NAT10: variants seen among roughly 807,000 people sequenced by gnomAD.
NAT10 encodes the protein N-acetyltransferase 10.
NAT10 carries 109 observed loss-of-function variants against 132.2 expected under a neutral mutation model. The observed-to-expected ratio is 0.82, with a 90% CI of 0.71 to 0.97. NAT10 has a LOEUF of 0.97. Among genes scored for constraint, NAT10 ranks in the 50% least tolerant of loss-of-function variants. The pLI, the probability that NAT10 is intolerant of heterozygous loss-of-function variation, is 0.00. For missense variants in NAT10, 1,184 were observed against 1,263.4 expected, an observed-to-expected ratio of 0.94 and a Z score of 0.95; for synonymous variants, 479 against 478.0, an observed-to-expected ratio of 1.00 and a Z score of -0.03.
At chr11:34,137,615 G>T (rs1033052486) in intron 21 of NAT10, among the ~76,000 whole-genome samples, 1 of 152,218 alleles carries the variant, frequency 6.6e-6, no homozygotes, top group African/African-American at 2.4e-5. Flanking sequence ...TGTGTTCATT[G>T]CTGTATTCCT....
chr11:34,131,080 A>G, intron 13 of NAT10, 143 bp downstream of exon 13: 1 of 1,321,592 alleles, frequency 7.6e-7, no homozygotes, highest in Non-Finnish European at 1.0e-6. Context: ...GAGGAGAAGT[A>G]GCTTTTTTCG....
Position 34,113,702 on chromosome 11 carries a change from C to T in NAT10, c.373-14C>T. On this transcript the variant is annotated splice_polypyrimidine_tract_variant and intron_variant, in intron 4 of 28. Transcript: ENST00000257829. Reference sequence around the variant, plus strand: ...TTTGCATGACCAGCCCTTTCTAACGCCCCCTTCTTCCAGGATTTTGAAGCC... The same window carrying T: ...TTTGCATGACCAGCCCTTTCTAACGTCCCCTTCTTCCAGGATTTTGAAGCC... The T allele has an allele frequency of 1.2e-6, 2 of 1,610,574 alleles. No individual in the cohort carries two copies. Among genetic ancestry groups the T allele is most frequent in the Non-Finnish European group, 1.7e-6 (2 of 1,178,898 alleles).
In NAT10 at chr11:34,139,288, G is replaced by T. The variant is rs1479084974; in HGVS notation, c.2308+1G>T. On this transcript the variant is annotated splice_donor_variant, in intron 22 of 28. Coordinates refer to ENST00000257829, the MANE Select transcript of NAT10 (RefSeq NM_024662.3). LOFTEE classifies it high-confidence loss of function. ...GGCTGGCTTGCAGCCTTCTGGAAAG[G>T]TGACTGAGGAGTAGGGGTTTGGGGG... 7.4e-6 allele frequency: 12 copies of T among 1,613,940 alleles called. No homozygotes were observed. The highest frequency in any genetic ancestry group is 1.0e-5 in the Non-Finnish European group (12 of 1,179,962).
chr11:34,117,010 C>T (rs1263854806), intron 6 of NAT10, among the ~76,000 whole-genome samples: 5 of 152,082 alleles, frequency 3.3e-5, no homozygotes, highest in Admixed American at 2.0e-4. Context: ...GGATTACAGG[C>T]GTGAGCCACC....
chr11:34,120,229 T>G (rs548206216), intron 8 of NAT10, among the ~76,000 whole-genome samples: 132 of 147,920 alleles, frequency 8.9e-4, no homozygotes, highest in South Asian at 3.5e-3. Context: ...TTTGTATTGG[T>G]TCTTCATTTT....
chr11:34,136,562 A>G, intron 19 of NAT10, 80 bp from the exon 20 acceptor site: 6 of 1,564,136 alleles, frequency 3.8e-6, no homozygotes, highest in Non-Finnish European at 5.3e-6. Flanking sequence ...CTAAGTCCAG[A>G]GTGCGCTGCG....
At chr11:34,144,629 C>G (rs570980524) in intron 28 of NAT10, among the ~76,000 whole-genome samples, 39 of 152,300 alleles carry the variant, frequency 2.6e-4, no homozygotes, top group African/African-American at 8.7e-4. Flanking sequence ...GTCTTAGGGA[C>G]CCCAGCAGTC....
intron 28 of NAT10, among the ~76,000 whole-genome samples, chr11:34,143,918 C>T (rs1852387196): frequency 6.6e-6 from 1 of 152,194 alleles, no homozygotes; most frequent in Non-Finnish European, 1.5e-5. Flanking sequence ...AGTAACAAGG[C>T]TCTCAGGGGT....
At chr11:34,114,928 G>A (rs1045624583) in intron 5 of NAT10, among the ~76,000 whole-genome samples, 1 of 152,114 alleles carries the variant, frequency 6.6e-6, no homozygotes, top group Non-Finnish European at 1.5e-5. Context: ...TGAGGTGGGC[G>A]GATCACCTGA....
intron 8 of NAT10, 145 bp from the exon 9 acceptor site, chr11:34,122,314 G>A (rs190205229): frequency 2.1e-6 from 2 of 972,412 alleles, no homozygotes; most frequent in South Asian, 3.1e-5. Flanking sequence ...AGAAGTCCAG[G>A]TGCTGAGCAG....
chr11:34,140,686 C>T, intron 24 of NAT10, 114 bp downstream of exon 24: 1 of 1,224,258 alleles, frequency 8.2e-7, no homozygotes, highest in Non-Finnish European at 1.1e-6. Context: ...CCTCATACAT[C>T]TGATAGGTGG....
Position 34,141,709 on chromosome 11 carries a change from T to C in NAT10, c.2713-10T>C, listed in dbSNP as rs1852336004. On this transcript the variant is annotated splice_polypyrimidine_tract_variant and intron_variant, in intron 25 of 28. Transcript: ENST00000257829. ...TCATCTTCTGCTTCTCTGTTGGTTG[T>C]CTTTTGTAGCTATTTAATGAAGTTC... is the stretch of plus-strand genomic sequence containing the variant. 3.7e-6 allele frequency: 6 copies of C among 1,613,584 alleles called. No homozygotes were observed. The East Asian group carries it at 1.3e-4, about 36-fold the overall frequency.
intron 19 of NAT10, among the ~76,000 whole-genome samples, chr11:34,135,976 A>G (rs961430653): frequency 6.6e-6 from 1 of 152,142 alleles, no homozygotes. Flanking sequence ...AATGAAAAAA[A>G]AAGTTCAAGC....
chr11:34,125,889 G>A (rs140946940), intron 11 of NAT10, among the ~76,000 whole-genome samples: 2 of 152,274 alleles, frequency 1.3e-5, no homozygotes, highest in Non-Finnish European at 2.9e-5. Flanking sequence ...GGTTGAACCC[G>A]AGAATTGGTT....
At chr11:34,115,735 G>A (rs2134158103) in intron 5 of NAT10, 88 bp from the exon 6 acceptor site, 2 of 1,332,242 alleles carry the variant, frequency 1.5e-6, no homozygotes. Context: ...GATTGCCCAT[G>A]TCTCCTTGGA....
chr11:34,118,069 G>T, intron 6 of NAT10, 111 bp from the exon 7 acceptor site: 3 of 821,584 alleles, frequency 3.7e-6, no homozygotes, highest in Non-Finnish European at 5.7e-6. Flanking sequence ...AGCTTTTTCT[G>T]GCTTTCTTAG....
intron 15 of NAT10, 104 bp from the exon 16 acceptor site, chr11:34,132,922 T>G: frequency 1.1e-6 from 1 of 881,072 alleles, no homozygotes; most frequent in Non-Finnish European, 1.9e-6. Context: ...CACTTGGCTT[T>G]GGAGAAGGCC....
chr11:34,131,395 G>A lies in NAT10; in HGVS notation c.1384G>A (p.Glu462Lys). 1 of 1,613,916 alleles carries A rather than the reference G, an allele frequency of 6.2e-7. No homozygotes were observed. The highest frequency in any genetic ancestry group is 2.2e-5 in the East Asian group (1 of 44,874). ...ARLASARTLY[E>K]VSLQESIRYA... ...GTGGGGAGCAGCGCGGACACTGTATGAGGTTTCCCTCCAGGAGTCAATCCG... is the reference window on the plus strand; with the variant it reads ...GTGGGGAGCAGCGCGGACACTGTATAAGGTTTCCCTCCAGGAGTCAATCCG... Residue 462 changes from glutamate to lysine, a missense_variant, in exon 14 of 29, where the codon GAG (glutamate) becomes AAG (lysine). Transcript: ENST00000257829.
At chr11:34,120,118 TTTGTTG>T (rs144485614) in intron 8 of NAT10, among the ~76,000 whole-genome samples, 290 of 147,548 alleles carry the variant, frequency 2.0e-3, no homozygotes, top group African/African-American at 6.8e-3. Flanking sequence ...CATCTGTTGT[TTTGTTG>T]TTGTTGTTGT....
Sources: allele counts gnomAD v4.1 joint callset (sites outside exome capture counted in the v4.1 genomes callset), GRCh38; gene constraint gnomAD v4.1.1; transcripts MANE v1.5; gene names NCBI Gene and HGNC (gene_info 2026-07-23, HGNC 2026-07-21).